Variants in BCAT1 observed in about 807,000 individuals in gnomAD.
BCAT1 encodes branched-chain-amino-acid aminotransferase, cytosolic.
In BCAT1, 48 loss-of-function variants were observed where a neutral mutation model predicts 52.4. That is an observed-to-expected ratio of 0.92 (90% CI 0.73 to 1.16). BCAT1 has a LOEUF of 1.16. Among genes scored for constraint, BCAT1 ranks in the 50% most tolerant of loss-of-function variants. BCAT1 has a pLI of 0.00. For synonymous variants in BCAT1, 167 were observed against 161.3 expected (o/e 1.04, Z -0.27); for missense variants, 451 against 457.1 (o/e 0.99, Z 0.12).
At chr12:24,909,376 T>C (rs1048576731) in intron 1 of BCAT1, among the ~76,000 whole-genome samples, 3 of 152,170 alleles carry the variant, frequency 2.0e-5, no homozygotes. Flanking sequence ...GAATTCTCAT[T>C]TGGGCTTATT....
chr12:24,911,424 C>T (rs1483898672), intron 1 of BCAT1, among the ~76,000 whole-genome samples: 1 of 152,212 alleles, frequency 6.6e-6, no homozygotes, highest in Admixed American at 6.5e-5. Flanking sequence ...CCCTCCTCTC[C>T]CCTCAGGACC....
intron 2 of BCAT1, among the ~76,000 whole-genome samples, chr12:24,898,987 C>T (rs1044668388): frequency 6.6e-6 from 1 of 152,170 alleles, no homozygotes; most frequent in African/African-American, 2.4e-5. Flanking sequence ...CTATGTTCAT[C>T]TTTTGGAGAT....
chr12:24,912,129 T>C (rs1249778900), intron 1 of BCAT1, among the ~76,000 whole-genome samples: 1 of 152,202 alleles, frequency 6.6e-6, no homozygotes, highest in Non-Finnish European at 1.5e-5. Flanking sequence ...TTAAGTTTTA[T>C]TAATGATTAT....
At chr12:24,926,088 C>T (rs1363630742) in intron 1 of BCAT1, among the ~76,000 whole-genome samples, 1 of 152,092 alleles carries the variant, frequency 6.6e-6, no homozygotes, top group Non-Finnish European at 1.5e-5. Context: ...GCCTGGCTGC[C>T]CAGTCTGGGA....
chr12:24,889,325 A>G (rs1365135949), intron 3 of BCAT1, among the ~76,000 whole-genome samples: 5 of 152,184 alleles, frequency 3.3e-5, no homozygotes, highest in African/African-American at 1.2e-4. Flanking sequence ...TTAGAACCCA[A>G]TTTGGCACTC....
chr12:24,860,779 C>G (rs1217137945), intron 5 of BCAT1, among the ~76,000 whole-genome samples: 1 of 152,204 alleles, frequency 6.6e-6, no homozygotes, highest in Admixed American at 6.5e-5. Flanking sequence ...ATGTCACTTT[C>G]TGACAGGCCT....
chr12:24,825,386 G>T (rs370313839), intron 10 of BCAT1, among the ~76,000 whole-genome samples: 1 of 151,636 alleles, frequency 6.6e-6, no homozygotes, highest in Non-Finnish European at 1.5e-5. Flanking sequence ...CTCCATAGTG[G>T]CTGTACTATT....
chr12:24,901,666 TCC>T, intron 2 of BCAT1, 146 bp downstream of exon 2: 5 of 784,012 alleles, frequency 6.4e-6, no homozygotes, highest in Admixed American at 2.9e-5. Flanking sequence ...TGGCTTTTTT[TCC>T]TCTAAGAGTG....
intron 5 of BCAT1, among the ~76,000 whole-genome samples, chr12:24,857,668 G>A (rs1367252555): frequency 6.6e-6 from 1 of 152,156 alleles, no homozygotes; most frequent in African/African-American, 2.4e-5. Flanking sequence ...AGCACCACAG[G>A]CTCCATTTTG....
intron 3 of BCAT1, among the ~76,000 whole-genome samples, chr12:24,884,796 A>G (rs898100579): frequency 5.3e-5 from 8 of 152,220 alleles, no homozygotes; most frequent in African/African-American, 1.7e-4. Context: ...AAAAAAATCA[A>G]TTAATGTGAT....
intron 1 of BCAT1, among the ~76,000 whole-genome samples, chr12:24,915,225 T>C (rs962279624): frequency 1.3e-5 from 2 of 152,184 alleles, no homozygotes; most frequent in South Asian, 2.1e-4. Flanking sequence ...GTAGCCATTC[T>C]TTAAACTTAA....
At chr12:24,932,690 G>A (rs961192499) in intron 1 of BCAT1, among the ~76,000 whole-genome samples, 2 of 152,246 alleles carry the variant, frequency 1.3e-5, no homozygotes, top group Non-Finnish European at 2.9e-5. Context: ...AGGCTGGAGT[G>A]CAGTGGCACA....
intron 3 of BCAT1, among the ~76,000 whole-genome samples, chr12:24,882,565 AT>A (rs1369735282): frequency 6.6e-6 from 1 of 151,914 alleles, no homozygotes; most frequent in Non-Finnish European, 1.5e-5. Context: ...AGAAAAAGAT[AT>A]ATCATGCAAA....
chr12:24,901,786 G>C, intron 2 of BCAT1, 28 bp downstream of exon 2: 1 of 1,605,090 alleles, frequency 6.2e-7, no homozygotes, highest in African/African-American at 1.3e-5. Context: ...CGTTGCTTTA[G>C]ACACTAAGCC....
chr12:24,822,216 T>C (rs910802926), intron 10 of BCAT1, among the ~76,000 whole-genome samples: 5 of 152,234 alleles, frequency 3.3e-5, no homozygotes, highest in African/African-American at 7.2e-5. Context: ...AAAATTCTTC[T>C]CTTAGGAGGT....
intron 5 of BCAT1, among the ~76,000 whole-genome samples, chr12:24,854,346 T>C (rs1385938534): frequency 2.6e-5 from 4 of 151,918 alleles, no homozygotes; most frequent in African/African-American, 9.7e-5. Context: ...AGAAATAAGA[T>C]AATTGGAAAA....
intron 5 of BCAT1, among the ~76,000 whole-genome samples, chr12:24,853,370 G>A (rs1240872768): frequency 1.3e-5 from 2 of 152,084 alleles, no homozygotes; most frequent in Admixed American, 6.6e-5. Flanking sequence ...AATATCACAC[G>A]TCCGCACTTA....
chr12:24,940,924 A>G (rs976436), intron 1 of BCAT1, among the ~76,000 whole-genome samples: 25,165 of 152,160 alleles, frequency 0.17, 2,844 homozygotes, highest in South Asian at 0.38. Context: ...TGCTCTAAGT[A>G]CCTCTTTTGT....
intron 1 of BCAT1, among the ~76,000 whole-genome samples, chr12:24,926,837 C>T (rs1943596255): frequency 6.6e-6 from 1 of 152,276 alleles, no homozygotes; most frequent in South Asian, 2.1e-4. Flanking sequence ...CCGCAGGGTC[C>T]TCTGCCTAGG....
Sources: allele counts gnomAD v4.1 joint callset (sites outside exome capture counted in the v4.1 genomes callset), GRCh38; gene constraint gnomAD v4.1.1; transcripts MANE v1.5; gene names NCBI Gene and HGNC (gene_info 2026-07-23, HGNC 2026-07-21).